The following ZFHX3 variants were observed in gnomAD, a reference collection of about 807,000 sequenced individuals.
The protein encoded by ZFHX3 is zinc finger homeobox protein 3.
ZFHX3 carries 42 observed loss-of-function variants against 279.1 expected under a neutral mutation model. That is an observed-to-expected ratio of 0.15 (90% CI 0.12 to 0.19). ZFHX3 has a LOEUF of 0.19. Among genes scored for constraint, ZFHX3 ranks in the 10% least tolerant of loss-of-function variants. The probability of loss-of-function intolerance (pLI) is 1.00; values close to 1 mark genes in which losing one functional copy is unlikely to be tolerated. For synonymous variants in ZFHX3, 2,293 were observed against 1,957.8 expected (o/e 1.17, Z -4.52); for missense variants, 4,981 against 4,754.0 (o/e 1.05, Z -1.40).
chr16:73,095,967 C>A (rs576792210), intron 7 of ZFHX3, among the ~76,000 whole-genome samples: 1 of 152,254 alleles, frequency 6.6e-6, no homozygotes, highest in Admixed American at 6.5e-5. Context: ...ACAGAGGGTG[C>A]CTTGAAATCT....
intron 1 of ZFHX3, among the ~76,000 whole-genome samples, chr16:73,768,293 G>A (rs566929704): frequency 6.6e-6 from 1 of 152,138 alleles, no homozygotes; most frequent in Admixed American, 6.5e-5. Context: ...TACTCTGGTC[G>A]GCCTCTGGGC....
Position 72,959,668 on chromosome 16 carries a change from C to T in ZFHX3, c.478G>A (p.Gly160Ser), listed in dbSNP as rs780566431. ...LTQGGGACGS[G>S]SGSGPLPSLF... ...GAGGGGAGAGGCCCACTGCCACTGC[C>T]ACTCCCACAGGCGCCCCCGCCCTGG... The change falls in exon 2 of 10, where the codon GGC becomes AGC. Residue 160 changes from glycine (G) to serine (S), a missense_variant. Physicochemically the swap from Gly to Ser is moderately conservative, Grantham distance 56 (BLOSUM62 0). Coordinates refer to ENST00000268489, the MANE Select transcript of ZFHX3 (RefSeq NM_006885.4). The T allele has an allele frequency of 3.1e-6, 5 of 1,613,982 alleles. No homozygotes were observed. Among genetic ancestry groups the T allele is most frequent in the Non-Finnish European group, 3.4e-6 (4 of 1,180,018 alleles).
chr16:73,178,828 C>T (rs1395996550), intron 5 of ZFHX3, among the ~76,000 whole-genome samples: 1 of 152,116 alleles, frequency 6.6e-6, no homozygotes, highest in Non-Finnish European at 1.5e-5. Flanking sequence ...GAGTCAGTTC[C>T]ATCCCATTAT....
At chr16:73,072,585 GAC>G (rs979614051) in intron 8 of ZFHX3, among the ~76,000 whole-genome samples, 3 of 152,086 alleles carry the variant, frequency 2.0e-5, no homozygotes, top group Non-Finnish European at 4.4e-5. Flanking sequence ...TGTTTTTAGA[GAC>G]AGAATCTTGC....
intron 1 of ZFHX3, among the ~76,000 whole-genome samples, chr16:73,887,598 T>C (rs1389597300): frequency 2.0e-5 from 3 of 152,068 alleles, no homozygotes; most frequent in South Asian, 4.1e-4. Flanking sequence ...TGGAATGAAG[T>C]GAATGCTTCT....
At chr16:73,539,415 T>G (rs990699112) in intron 2 of ZFHX3, among the ~76,000 whole-genome samples, 8 of 150,362 alleles carry the variant, frequency 5.3e-5, no homozygotes, top group African/African-American at 2.0e-4. Context: ...TTTTAAATTT[T>G]TTTCCCTTCC....
At chr16:73,007,535 C>A (rs1963754823) in intron 1 of ZFHX3, among the ~76,000 whole-genome samples, 1 of 152,162 alleles carries the variant, frequency 6.6e-6, no homozygotes, top group Non-Finnish European at 1.5e-5. Context: ...CAATCTCTGC[C>A]TCCCGGGTTC....
intron 5 of ZFHX3, among the ~76,000 whole-genome samples, chr16:73,148,742 T>G: frequency 6.7e-6 from 1 of 150,126 alleles, no homozygotes. Flanking sequence ...AGGTCAGGAG[T>G]TCAAGATCAG....
chr16:73,705,145 T>C lies in ZFHX3; in HGVS notation c.-1607-24905A>G, dbSNP rs575616517. Among the ~76,000 whole-genome samples the C allele has an allele frequency of 2.6e-5, 4 of 152,316 alleles. No individual in the cohort carries two copies. The East Asian group carries it at 7.7e-4, about 29-fold the overall frequency. ...ATGTAGTAAAATAATTACAAAGTGA[T>C]TATTATCTTTGCTTTTAATATAATT... On this transcript the variant is annotated intron_variant, in intron 1 of 17. Coordinates refer to the ZFHX3 transcript ENST00000641206.
At chr16:73,785,465 T>C (rs183274268) in intron 1 of ZFHX3, among the ~76,000 whole-genome samples, 2 of 140,512 alleles carry the variant, frequency 1.4e-5, no homozygotes, top group African/African-American at 2.4e-5. Flanking sequence ...GTAAATTAGA[T>C]TGGGTTTCTA....
chr16:73,730,539 G>A (rs368009613), intron 1 of ZFHX3, among the ~76,000 whole-genome samples: 4 of 152,108 alleles, frequency 2.6e-5, no homozygotes, highest in South Asian at 2.1e-4. Context: ...TGAGGAGAGC[G>A]GGCAAGTACC....
chr16:73,864,266 C>T (rs1381867033), intron 1 of ZFHX3, among the ~76,000 whole-genome samples: 1 of 152,150 alleles, frequency 6.6e-6, no homozygotes, highest in Non-Finnish European at 1.5e-5. Flanking sequence ...TCCCTATTAA[C>T]GTAGTCAACG....
intron 3 of ZFHX3, among the ~76,000 whole-genome samples, chr16:72,930,607 T>C (rs780042336): frequency 1.3e-5 from 2 of 152,160 alleles, no homozygotes; most frequent in Admixed American, 6.5e-5. Context: ...ACAATAGCAA[T>C]TGAAAGCTAC....
At chr16:73,486,300 C>G (rs1451327610) in intron 2 of ZFHX3, among the ~76,000 whole-genome samples, 1 of 152,212 alleles carries the variant, frequency 6.6e-6, no homozygotes, top group Non-Finnish European at 1.5e-5. Context: ...CAGTGGAAAC[C>G]TCTAGAGGGT....
chr16:72,847,050 C>T (rs117315995), intron 4 of ZFHX3, among the ~76,000 whole-genome samples: 1,904 of 152,302 alleles, frequency 0.013, 86 homozygotes, highest in South Asian at 0.1. Context: ...AAATTAGTTA[C>T]TGCGGTGCAA....
chr16:73,578,726 A>T (rs1567523779), intron 2 of ZFHX3, among the ~76,000 whole-genome samples: 1 of 151,910 alleles, frequency 6.6e-6, no homozygotes, highest in African/African-American at 2.4e-5. Context: ...ATTTATTTTT[A>T]TTTTTTTTAT....
intron 2 of ZFHX3, among the ~76,000 whole-genome samples, chr16:73,581,817 G>T (rs754834113): frequency 8.6e-5 from 13 of 151,242 alleles, no homozygotes; most frequent in Non-Finnish European, 1.6e-4. Context: ...CTATAGGCAT[G>T]TGCCACCACA....
At chr16:73,878,821 C>T (rs2030040992) in intron 1 of ZFHX3, among the ~76,000 whole-genome samples, 1 of 151,666 alleles carries the variant, frequency 6.6e-6, no homozygotes, top group Admixed American at 6.6e-5. Context: ...GACTACAATG[C>T]CATCTACTGG....
chr16:73,846,576 G>C (rs1160917293), intron 1 of ZFHX3, among the ~76,000 whole-genome samples: 34 of 152,124 alleles, frequency 2.2e-4, no homozygotes, highest in Admixed American at 2.2e-3. Flanking sequence ...TGAATGAATG[G>C]ACAACTAATT....
Sources: gnomAD v4.1 joint callset for allele counts (sites outside exome capture counted in the v4.1 genomes callset) on GRCh38, gnomAD v4.1.1 for gene constraint, MANE v1.5 for transcripts, NCBI Gene and HGNC (gene_info 2026-07-23, HGNC 2026-07-21) for gene names.